FHOD3: variants seen among roughly 807,000 people sequenced by gnomAD.
FHOD3 encodes the protein formin homology 2 domain containing 3, also known as FH1/FH2 domain-containing protein 3.
Under a neutral mutation model 173.0 loss-of-function variants are expected in FHOD3, and 90 were observed. The ratio of observed to expected loss-of-function variants is 0.52; its 90% CI spans 0.44 to 0.62. The LOEUF (loss-of-function observed/expected upper bound fraction) is 0.62, where lower values mean the gene tolerates loss of function less well. FHOD3 is among the 20% of genes least tolerant of loss of function. The pLI, the probability that FHOD3 is intolerant of heterozygous loss-of-function variation, is 0.00. For synonymous variants in FHOD3, 828 were observed against 823.0 expected (o/e 1.01, Z -0.10); for missense variants, 1,945 against 2,034.7 (o/e 0.96, Z 0.85).
chr18:36,452,056 G>A (rs1401431516), intron 3 of FHOD3, among the ~76,000 whole-genome samples: 2 of 152,124 alleles, frequency 1.3e-5, no homozygotes, highest in African/African-American at 2.4e-5. Context: ...TGGGCTCCTG[G>A]GGATGAGGAT....
At chr18:36,704,067 C>T (rs964547446) in intron 17 of FHOD3, among the ~76,000 whole-genome samples, 6 of 152,052 alleles carry the variant, frequency 3.9e-5, no homozygotes, top group Non-Finnish European at 8.8e-5. Context: ...TTGAGGATAC[C>T]CTGGACCCCT....
intron 3 of FHOD3, among the ~76,000 whole-genome samples, chr18:36,407,403 T>C (rs779121414): frequency 2.0e-5 from 3 of 152,224 alleles, no homozygotes; most frequent in Non-Finnish European, 4.4e-5. Context: ...TGAGCACTAA[T>C]GATGGTGGTA....
intron 3 of FHOD3, among the ~76,000 whole-genome samples, chr18:36,497,420 C>T (rs1244324783): frequency 6.6e-6 from 1 of 152,108 alleles, no homozygotes; most frequent in African/African-American, 2.4e-5. Flanking sequence ...GTTAAAAATA[C>T]AGTGAATGCA....
At chr18:36,668,388 G>A (rs2037318759) in intron 14 of FHOD3, among the ~76,000 whole-genome samples, 1 of 151,516 alleles carries the variant, frequency 6.6e-6, no homozygotes, top group African/African-American at 2.4e-5. Flanking sequence ...TCTTAATATT[G>A]GTAATTTGTG....
intron 3 of FHOD3, among the ~76,000 whole-genome samples, chr18:36,477,570 CCTACCT>C (rs1437676254): frequency 9.7e-5 from 14 of 144,724 alleles, no homozygotes; most frequent in African/African-American, 3.6e-4. Context: ...TACCTACCTA[CCTACCT>C]ACCTACCTAC....
intron 20 of FHOD3, among the ~76,000 whole-genome samples, chr18:36,734,205 T>G (rs1226826617): frequency 6.6e-6 from 1 of 152,222 alleles, no homozygotes; most frequent in Non-Finnish European, 1.5e-5. Context: ...AGTAAATTCA[T>G]AGTCACAACG....
intron 3 of FHOD3, among the ~76,000 whole-genome samples, chr18:36,491,987 G>A (rs577497334): frequency 6.6e-6 from 1 of 152,060 alleles, no homozygotes; most frequent in African/African-American, 2.4e-5. Context: ...GGTAGAGTAG[G>A]GCTATGTATT....
chr18:36,362,828 T>C (rs532445601), intron 2 of FHOD3, among the ~76,000 whole-genome samples: 12 of 152,150 alleles, frequency 7.9e-5, no homozygotes, highest in African/African-American at 2.9e-4. Flanking sequence ...ATTTTTATCA[T>C]GGAAAAAAAG....
At chr18:36,591,447 G>A (rs1317246733) in intron 6 of FHOD3, among the ~76,000 whole-genome samples, 1 of 152,174 alleles carries the variant, frequency 6.6e-6, no homozygotes, top group African/African-American at 2.4e-5. Flanking sequence ...ACTCCACACA[G>A]CATAGAGGGA....
intron 6 of FHOD3, among the ~76,000 whole-genome samples, chr18:36,582,338 T>C (rs1437079718): frequency 6.6e-6 from 1 of 152,162 alleles, no homozygotes; most frequent in African/African-American, 2.4e-5. Flanking sequence ...CCTTTGTAAG[T>C]TACGTAATGT....
chr18:36,393,459 CT>C (rs536713958), intron 3 of FHOD3, among the ~76,000 whole-genome samples: 321 of 152,224 alleles, frequency 2.1e-3, no homozygotes, highest in African/African-American at 7.3e-3. Flanking sequence ...TGCAATGCCC[CT>C]AATTGTGACA....
At chr18:36,444,750 A>G (rs1237746036) in intron 3 of FHOD3, among the ~76,000 whole-genome samples, 1 of 151,962 alleles carries the variant, frequency 6.6e-6, no homozygotes, top group East Asian at 1.9e-4. Flanking sequence ...AAATCACTTC[A>G]TATAAGTTCA....
intron 10 of FHOD3, among the ~76,000 whole-genome samples, chr18:36,638,983 C>G (rs1377531540): frequency 6.6e-6 from 1 of 152,198 alleles, no homozygotes; most frequent in Non-Finnish European, 1.5e-5. Context: ...TTAGTTATAA[C>G]AGCCAGAACT....
At chr18:36,428,455 T>C (rs1012866553) in intron 3 of FHOD3, among the ~76,000 whole-genome samples, 4 of 152,084 alleles carry the variant, frequency 2.6e-5, no homozygotes, top group African/African-American at 4.8e-5. Context: ...ACAGCCCCAC[T>C]CCGGCCTGTG....
At chr18:36,574,769 G>A (rs1459384010) in intron 5 of FHOD3, among the ~76,000 whole-genome samples, 3 of 151,796 alleles carry the variant, frequency 2.0e-5, no homozygotes, top group African/African-American at 7.3e-5. Context: ...GGTTTAATGA[G>A]CATCATTTAA....
intron 1 of FHOD3, among the ~76,000 whole-genome samples, chr18:36,324,827 C>G (rs1031416214): frequency 6.6e-6 from 1 of 152,156 alleles, no homozygotes; most frequent in Admixed American, 6.5e-5. Flanking sequence ...CAATTCCACA[C>G]CTAAATAAAA....
At chr18:36,484,186 G>T (rs1005516722) in intron 3 of FHOD3, among the ~76,000 whole-genome samples, 3 of 152,194 alleles carry the variant, frequency 2.0e-5, no homozygotes, top group Non-Finnish European at 2.9e-5. Context: ...TTAGCTGTGA[G>T]GGCTCCTTCA....
At chr18:36,676,824 C>T (rs2037893310) in intron 14 of FHOD3, among the ~76,000 whole-genome samples, 1 of 152,074 alleles carries the variant, frequency 6.6e-6, no homozygotes, top group South Asian at 2.1e-4. Context: ...ATGCTCATTA[C>T]CCTTTGCCCA....
intron 6 of FHOD3, among the ~76,000 whole-genome samples, chr18:36,594,095 A>G (rs958924093): frequency 5.9e-5 from 9 of 152,116 alleles, no homozygotes; most frequent in African/African-American, 2.2e-4. Flanking sequence ...GGGGTTAGAA[A>G]TCTGTGGCAG....
Sources: gnomAD v4.1 joint callset for allele counts (sites outside exome capture counted in the v4.1 genomes callset) on GRCh38, gnomAD v4.1.1 for gene constraint, MANE v1.5 for transcripts, NCBI Gene and HGNC (gene_info 2026-07-23, HGNC 2026-07-21) for gene names.